SPMIP4: variants seen among roughly 807,000 people sequenced by gnomAD.
SPMIP4 encodes sperm microtubule inner protein 4.
At chr7:25,142,570 G>A in the SPMIP4 span, 1 of 1,317,416 alleles carries the variant, frequency 7.6e-7, no homozygotes, top group East Asian at 2.4e-5. Flanking sequence ...GAAGTTGAAA[G>A]CTTGTCATAG....
the SPMIP4 span, among the ~76,000 whole-genome samples, chr7:25,147,497 G>A: frequency 1.3e-5 from 2 of 152,056 alleles, no homozygotes; most frequent in Non-Finnish European, 2.9e-5. Flanking sequence ...AAGAGGCAAA[G>A]CTAGGGCAGC....
the SPMIP4 span, among the ~76,000 whole-genome samples, chr7:25,145,812 C>A: frequency 6.6e-6 from 1 of 152,074 alleles, no homozygotes; most frequent in African/African-American, 2.4e-5. Context: ...CTATTGCATG[C>A]AAAACCATGT....
At chr7:25,169,445 C>T in the SPMIP4 span, among the ~76,000 whole-genome samples, 1 of 152,246 alleles carries the variant, frequency 6.6e-6, no homozygotes, top group Non-Finnish European at 1.5e-5. Flanking sequence ...TTTGCCTATT[C>T]TGGACATTTC....
At chr7:25,157,585 C>T in the SPMIP4 span, among the ~76,000 whole-genome samples, 1 of 152,116 alleles carries the variant, frequency 6.6e-6, no homozygotes, top group Non-Finnish European at 1.5e-5. Context: ...CCCAGTCTAA[C>T]CATAAGAAAA....
the SPMIP4 span, among the ~76,000 whole-genome samples, chr7:25,141,339 C>T: frequency 2.6e-5 from 4 of 151,900 alleles, no homozygotes; most frequent in African/African-American, 2.4e-5. Flanking sequence ...TTTGGGAGGC[C>T]GAGGCGGGCG....
chr7:25,161,908 T>C, the SPMIP4 span, among the ~76,000 whole-genome samples: 3 of 152,124 alleles, frequency 2.0e-5, no homozygotes, highest in Non-Finnish European at 2.9e-5. Flanking sequence ...TCTTTGGTGG[T>C]AGGAAGGACC....
At chr7:25,173,040 A>G in the SPMIP4 span, among the ~76,000 whole-genome samples, 1 of 150,170 alleles carries the variant, frequency 6.7e-6, no homozygotes, top group Non-Finnish European at 1.5e-5. The surrounding 1 kb of genome is among the most constrained non-coding windows in gnomAD (Gnocchi z 4.4). Flanking sequence ...AAAGTGGGAG[A>G]AAAAGGGAGG....
the SPMIP4 span, chr7:25,142,721 T>G: frequency 3.1e-6 from 5 of 1,611,298 alleles, no homozygotes; most frequent in Non-Finnish European, 4.2e-6. Flanking sequence ...GCAGAGCAAA[T>G]AGGGTCCCAT....
chr7:25,131,963 C>T, the SPMIP4 span, among the ~76,000 whole-genome samples: 5 of 152,132 alleles, frequency 3.3e-5, no homozygotes, highest in Non-Finnish European at 5.9e-5. The surrounding 1 kb of genome is among the most constrained non-coding windows in gnomAD (Gnocchi z 4.2). Flanking sequence ...CGGCAAACAG[C>T]AGTGGTGGAC....
chr7:25,168,321 C>T, the SPMIP4 span: 1 of 1,609,164 alleles, frequency 6.2e-7, no homozygotes. Context: ...ATCCATAATG[C>T]TGATGTCCTT....
chr7:25,164,851 C>T, the SPMIP4 span, among the ~76,000 whole-genome samples: 1 of 152,168 alleles, frequency 6.6e-6, no homozygotes, highest in East Asian at 1.9e-4. Flanking sequence ...TAGCTTAGCT[C>T]CAACTTCTAG....
the SPMIP4 span, chr7:25,126,000 T>C: frequency 2.1e-6 from 2 of 965,088 alleles, no homozygotes; most frequent in Non-Finnish European, 2.5e-6. Flanking sequence ...ATTAAGAGGA[T>C]GCAATGATAA....
At chr7:25,174,603 C>T in the SPMIP4 span, among the ~76,000 whole-genome samples, 6 of 152,092 alleles carry the variant, frequency 3.9e-5, no homozygotes, top group South Asian at 2.1e-4. This position sits in a 1 kb window ranked among gnomAD's most constrained non-coding sequence, Gnocchi z 4.5. Flanking sequence ...TTTTAAGAGT[C>T]GGACAACAGC....
At chr7:25,166,110 G>A in the SPMIP4 span, among the ~76,000 whole-genome samples, 8 of 152,156 alleles carry the variant, frequency 5.3e-5, no homozygotes, top group Non-Finnish European at 1.2e-4. Flanking sequence ...CTTCTTCCCT[G>A]ATGAGGCCAG....
chr7:25,144,960 G>GTTTT, the SPMIP4 span, among the ~76,000 whole-genome samples: 2 of 145,708 alleles, frequency 1.4e-5, no homozygotes, highest in African/African-American at 2.5e-5. Flanking sequence ...AAGAAGGACT[G>GTTTT]TTTTTTTTTT....
the SPMIP4 span, among the ~76,000 whole-genome samples, chr7:25,172,496 G>C: frequency 6.6e-6 from 1 of 152,220 alleles, no homozygotes; most frequent in Non-Finnish European, 1.5e-5. The surrounding 1 kb of genome is among the most constrained non-coding windows in gnomAD (Gnocchi z 4.2). Flanking sequence ...GGCATGGTGT[G>C]ACTCTCCTTC....
the SPMIP4 span, chr7:25,134,770 T>C: frequency 7.1e-6 from 7 of 985,314 alleles, no homozygotes; most frequent in Non-Finnish European, 8.4e-6. Context: ...TGATAAAAAG[T>C]GTGTACACTA....
At chr7:25,137,301 CTTTTTTTT>C in the SPMIP4 span, among the ~76,000 whole-genome samples, 1 of 127,078 alleles carries the variant, frequency 7.9e-6, no homozygotes, top group African/African-American at 3.3e-5. Context: ...GCTGAATTTT[CTTTTTTTT>C]TTTTTTTTTT....
the SPMIP4 span, among the ~76,000 whole-genome samples, chr7:25,172,613 G>A: frequency 5.3e-5 from 8 of 152,150 alleles, no homozygotes; most frequent in Non-Finnish European, 1.2e-4. This position sits in a 1 kb window ranked among gnomAD's most constrained non-coding sequence, Gnocchi z 4.2. Context: ...CTGGGTCAGT[G>A]TGTTGTTTTA....
Sources: gnomAD v4.1 joint callset for allele counts (sites outside exome capture counted in the v4.1 genomes callset) on GRCh38, gnomAD v4.1.1 for gene constraint, Gnocchi (gnomAD v3.1) non-coding constraint, MANE v1.5 for transcripts, NCBI Gene and HGNC (gene_info 2026-07-23, HGNC 2026-07-21) for gene names.